MTUS1: variants seen among roughly 807,000 people sequenced by gnomAD.
MTUS1 encodes the protein microtubule-associated tumor suppressor 1.
Under a neutral mutation model 120.8 loss-of-function variants are expected in MTUS1, and 109 were observed. That is an observed-to-expected ratio of 0.90 (90% CI 0.77 to 1.06). MTUS1 has a LOEUF of 1.06. Ranked by LOEUF, MTUS1 falls within the 50% of genes least tolerant of loss-of-function variation. The pLI, the probability that MTUS1 is intolerant of heterozygous loss-of-function variation, is 0.00. For synonymous variants in MTUS1, 737 were observed against 550.5 expected (o/e 1.34, Z -4.74); for missense variants, 2,210 against 1,486.3 (o/e 1.49, Z -8.01).
At chr8:17,677,838 T>C (rs1255401769) in intron 7 of MTUS1, among the ~76,000 whole-genome samples, 5 of 152,222 alleles carry the variant, frequency 3.3e-5, no homozygotes, top group East Asian at 3.8e-4. Context: ...TCCAAATGCA[T>C]AGACCATTTA....
At chr8:17,703,778 A>G (rs1407595023) in intron 6 of MTUS1, among the ~76,000 whole-genome samples, 1 of 152,136 alleles carries the variant, frequency 6.6e-6, no homozygotes, top group Non-Finnish European at 1.5e-5. Flanking sequence ...TTCTGTAAAG[A>G]TATTTATCAA....
At chr8:17,797,828 T>C (rs886696272) in intron 1 of MTUS1, among the ~76,000 whole-genome samples, 6 of 152,208 alleles carry the variant, frequency 3.9e-5, no homozygotes, top group African/African-American at 1.4e-4. Context: ...CAGGCTCTCA[T>C]GGAGAACACA....
Position 17,800,858 on chromosome 8 carries a change from AGGCT to A in MTUS1, c.-155+199_-155+202del, listed in dbSNP as rs1198236465. The A allele has an allele frequency of 1.3e-4, 20 of 152,474 alleles. 1 individual carries two copies. Among genetic ancestry groups the A allele is most frequent in the Non-Finnish European group, 4.4e-5 (3 of 68,356 alleles). The allele number at this position is 152,474 out of a possible 1,614,324, so 9.4% of individuals were successfully genotyped here. On this transcript the variant is annotated intron_variant, in intron 1 of 14. Coordinates refer to ENST00000693296, the MANE Select transcript of MTUS1 (RefSeq NM_001363059.2). ...CGAGATCCGCATCCGTCCCTTCCGC[AGGCT>A]CTGCGCTGGCCCACGTGAGACCCGC...
At chr8:17,756,033 C>T in intron 1 of MTUS1, 72 bp from the exon 2 acceptor site, 1 of 897,696 alleles carries the variant, frequency 1.1e-6, no homozygotes. Context: ...GTTTCAATCA[C>T]TAAGTGATTA....
At chr8:17,776,665 T>A (rs149687331) in intron 1 of MTUS1, among the ~76,000 whole-genome samples, 1,795 of 105,522 alleles carry the variant, frequency 0.017, 42 homozygotes, top group African/African-American at 0.065. Context: ...GGTGACTGAG[T>A]GAGACTCTGT....
chr8:17,756,672 C>CCCCCCCCG (rs1413103775), intron 1 of MTUS1, among the ~76,000 whole-genome samples: 5 of 46,702 alleles, frequency 1.1e-4, no homozygotes, highest in Middle Eastern at 0.021. Flanking sequence ...CAAGCCCAAA[C>CCCCCCCCG]CCCCACCCCT....
chr8:17,660,693 G>C (rs1157494115), intron 8 of MTUS1, among the ~76,000 whole-genome samples: 2 of 152,140 alleles, frequency 1.3e-5, no homozygotes, highest in East Asian at 3.9e-4. Flanking sequence ...ATGCTCACCA[G>C]AACCTATTTG....
At chr8:17,709,834 C>A (rs771450274) in intron 6 of MTUS1, among the ~76,000 whole-genome samples, 2 of 151,770 alleles carry the variant, frequency 1.3e-5, no homozygotes, top group East Asian at 1.9e-4. Flanking sequence ...GGTGAAACCC[C>A]GTCTCTACTA....
At chr8:17,771,219 GT>G (rs1212360687) in intron 1 of MTUS1, among the ~76,000 whole-genome samples, 1 of 152,126 alleles carries the variant, frequency 6.6e-6, no homozygotes, top group Non-Finnish European at 1.5e-5. Context: ...GTAAGGAAAA[GT>G]TCCTGAAAGA....
intron 8 of MTUS1, among the ~76,000 whole-genome samples, chr8:17,666,190 C>A (rs1420601315): frequency 6.8e-6 from 1 of 147,366 alleles, no homozygotes; most frequent in East Asian, 2.0e-4. Flanking sequence ...GAGAGCACAG[C>A]TGAATATCTG....
intron 8 of MTUS1, among the ~76,000 whole-genome samples, chr8:17,673,505 G>A (rs572546234): frequency 2.1e-4 from 32 of 152,164 alleles, no homozygotes; most frequent in Non-Finnish European, 4.4e-4. Flanking sequence ...AGACTGGAGG[G>A]CAGCAGCACA....
intron 8 of MTUS1, chr8:17,674,467 AG>A: frequency 1.0e-6 from 1 of 985,104 alleles, no homozygotes; most frequent in Non-Finnish European, 1.2e-6. Context: ...AACAAAGCAA[AG>A]GCAGTGTCGT....
chr8:17,775,364 G>C (rs1168267414), intron 1 of MTUS1, among the ~76,000 whole-genome samples: 1 of 152,028 alleles, frequency 6.6e-6, no homozygotes, highest in Non-Finnish European at 1.5e-5. Context: ...CAGAATAGGA[G>C]AAAAATACCG....
chr8:17,772,353 A>T (rs189915470), intron 1 of MTUS1, among the ~76,000 whole-genome samples: 9 of 152,306 alleles, frequency 5.9e-5, no homozygotes, highest in Admixed American at 3.9e-4. Flanking sequence ...TGAAAACAAG[A>T]ATAAATATTT....
intron 1 of MTUS1, among the ~76,000 whole-genome samples, chr8:17,783,807 T>G (rs1042544218): frequency 2.0e-5 from 3 of 152,236 alleles, no homozygotes; most frequent in African/African-American, 7.2e-5. Flanking sequence ...ACATGCAGAC[T>G]CCATCCTTAA....
intron 8 of MTUS1, among the ~76,000 whole-genome samples, chr8:17,657,818 A>G (rs1357011806): frequency 1.4e-5 from 2 of 145,208 alleles, no homozygotes; most frequent in Non-Finnish European, 3.0e-5. Context: ...AAAAAAAAAA[A>G]GCAATATAAA....
rs113445081 is a variant in MTUS1, at chr8:17,753,888, T to A, written c.1920A>T (p.Ile640=). The A allele has an allele frequency of 1.2e-4, 190 of 1,614,132 alleles. No homozygotes were observed. The African/African-American group carries it at 1.4e-3, about 12-fold the overall frequency. The stretch of plus-strand genomic sequence containing the variant: ...CTGCACTTTCCATTTTAACAGGGAG[T>A]ATGCCTTTGATCTTCTGAAACAACG... ...VSALFQKIKG[I]LPVKMESAEC... Residue 640 remains isoleucine, a synonymous_variant, in exon 2 of 15, where the codon ATA becomes ATT. Transcript: ENST00000693296.
intron 1 of MTUS1, among the ~76,000 whole-genome samples, chr8:17,768,559 A>G (rs2049750242): frequency 6.6e-6 from 1 of 152,028 alleles, no homozygotes; most frequent in African/African-American, 2.4e-5. Flanking sequence ...AATGACCTCA[A>G]CAAAAATATA....
rs183750857 is a variant in MTUS1, at chr8:17,656,707, C to T, written c.2906-642G>A. Among the ~76,000 whole-genome samples the T allele has an allele frequency of 2.8e-3, 432 of 152,022 alleles. 4 individuals are homozygous for T. The highest frequency in any genetic ancestry group is 0.023 in the East Asian group (119 of 5,150). On this transcript the variant is annotated intron_variant, in intron 8 of 14. Coordinates refer to ENST00000693296, the MANE Select transcript of MTUS1 (RefSeq NM_001363059.2). ...AGGCAGAGACATTTCTTAGGACAAG[C>T]GACTCCTCCCTCTCCCAGCCAGCCA...
Sources: allele counts gnomAD v4.1 joint callset (sites outside exome capture counted in the v4.1 genomes callset), GRCh38; gene constraint gnomAD v4.1.1; transcripts MANE v1.5; gene names NCBI Gene and HGNC (gene_info 2026-07-23, HGNC 2026-07-21).